ANO4: variants seen among roughly 807,000 people sequenced by gnomAD.
The protein encoded by ANO4 is anoctamin 4, also known as anoctamin-4.
A neutral mutation model predicts 141.9 loss-of-function variants in ANO4; 69 were observed. The ratio of observed to expected loss-of-function variants is 0.49; its 90% CI spans 0.40 to 0.59. ANO4 has a LOEUF of 0.59. Ranked by LOEUF, ANO4 falls within the 20% of genes least tolerant of loss-of-function variation. The pLI is 0.00. For synonymous variants in ANO4, 350 were observed against 394.3 expected (o/e 0.89, Z 1.33); for missense variants, 894 against 1,162.2 (o/e 0.77, Z 3.36).
At chr12:100,817,349 G>A (rs2035794394) in intron 1 of ANO4, among the ~76,000 whole-genome samples, 1 of 151,708 alleles carries the variant, frequency 6.6e-6, no homozygotes, top group East Asian at 1.9e-4. Flanking sequence ...AGTAATCCCT[G>A]CCTAGGCTTA....
chr12:100,745,056 A>G (rs1303855933), intron 3 of ANO4, among the ~76,000 whole-genome samples: 1 of 151,948 alleles, frequency 6.6e-6, no homozygotes, highest in African/African-American at 2.4e-5. Context: ...TTGCTTCTCC[A>G]TAATAGAATA....
intron 1 of ANO4, among the ~76,000 whole-genome samples, chr12:100,886,034 A>C (rs1043602939): frequency 6.6e-6 from 1 of 151,848 alleles, no homozygotes; most frequent in African/African-American, 2.4e-5. Context: ...TTTCCCTCTC[A>C]TTTACCACTA....
At chr12:100,952,416 G>A (rs547369490) in intron 5 of ANO4, among the ~76,000 whole-genome samples, 3 of 152,246 alleles carry the variant, frequency 2.0e-5, no homozygotes, top group South Asian at 4.2e-4. Flanking sequence ...CAGCTTTAAC[G>A]CATGGCTGTT....
At chr12:100,915,981 A>G (rs946239620) in intron 2 of ANO4, among the ~76,000 whole-genome samples, 6 of 152,226 alleles carry the variant, frequency 3.9e-5, no homozygotes, top group Admixed American at 3.3e-4. Context: ...AACTAAGGCA[A>G]TCTAATGAAA....
intron 1 of ANO4, among the ~76,000 whole-genome samples, chr12:100,854,695 T>C (rs2038071910): frequency 1.3e-5 from 2 of 152,222 alleles, no homozygotes; most frequent in East Asian, 3.9e-4. Context: ...TTCTACTCAT[T>C]CACTGTATTT....
intron 11 of ANO4, among the ~76,000 whole-genome samples, chr12:101,040,761 C>G (rs12578210): frequency 3.9e-5 from 6 of 151,980 alleles, no homozygotes; most frequent in African/African-American, 1.5e-4. Context: ...CCTAGCCCCC[C>G]ACCCCCCATA....
chr12:100,861,219 C>G (rs1412064978), intron 1 of ANO4, among the ~76,000 whole-genome samples: 1 of 152,146 alleles, frequency 6.6e-6, no homozygotes, highest in Non-Finnish European at 1.5e-5. Flanking sequence ...TTTTACAAAC[C>G]TCTTGTAAGA....
At chr12:100,907,109 G>C (rs2040881706) in intron 2 of ANO4, among the ~76,000 whole-genome samples, 1 of 152,172 alleles carries the variant, frequency 6.6e-6, no homozygotes, top group Non-Finnish European at 1.5e-5. Flanking sequence ...TCTTAAAATT[G>C]TTATGGCTAT....
At chr12:100,903,550 A>G (rs574725214) in intron 2 of ANO4, among the ~76,000 whole-genome samples, 12 of 152,258 alleles carry the variant, frequency 7.9e-5, no homozygotes, top group African/African-American at 2.4e-4. Flanking sequence ...AAGCTTTATT[A>G]CTATAGTGCA....
intron 9 of ANO4, among the ~76,000 whole-genome samples, chr12:101,024,848 T>C (rs1166039502): frequency 6.6e-6 from 1 of 152,240 alleles, no homozygotes. Context: ...AGTATTAATG[T>C]GAAGCATCTT....
At chr12:101,002,581 T>C (rs1029333224) in intron 8 of ANO4, among the ~76,000 whole-genome samples, 18 of 152,210 alleles carry the variant, frequency 1.2e-4, no homozygotes, top group African/African-American at 4.1e-4. Flanking sequence ...CTTCCCAAGG[T>C]GTGCTCTCTT....
At chr12:100,753,782 G>C (rs373305884) in intron 3 of ANO4, among the ~76,000 whole-genome samples, 1 of 152,148 alleles carries the variant, frequency 6.6e-6, no homozygotes, top group African/African-American at 2.4e-5. Flanking sequence ...GCTATCAATA[G>C]TACAGTACAT....
chr12:100,873,974 C>G (rs768215843), intron 1 of ANO4, among the ~76,000 whole-genome samples: 1 of 152,344 alleles, frequency 6.6e-6, no homozygotes, highest in East Asian at 1.9e-4. Context: ...GCTCCAGCTC[C>G]AGCTGTGGCT....
chr12:100,806,327 C>T (rs1254751103), intron 1 of ANO4, among the ~76,000 whole-genome samples: 2 of 151,998 alleles, frequency 1.3e-5, no homozygotes, highest in African/African-American at 4.8e-5. Context: ...CACACCTATG[C>T]CCACTAGCAA....
At chr12:100,988,523 G>A (rs1228482143) in intron 8 of ANO4, among the ~76,000 whole-genome samples, 3 of 150,542 alleles carry the variant, frequency 2.0e-5, no homozygotes, top group East Asian at 3.9e-4. Flanking sequence ...TTACCTGGAG[G>A]GAAGAAAAGG....
rs1020747194 is a variant in ANO4 at position 101,118,904 on chromosome 12, T to G, written c.2571-1616T>G. On this transcript the variant is annotated intron_variant, in intron 25 of 27. Transcript: ENST00000392977. ...CACGACAGGCCCCGGTGTGTGATGTTCCCCTTCCTGTGTCCAAGTGTTCTC... is the reference window on the plus strand; with the variant it reads ...CACGACAGGCCCCGGTGTGTGATGTGCCCCTTCCTGTGTCCAAGTGTTCTC... Among the ~76,000 whole-genome samples, 14 of 141,654 alleles carry G rather than the reference T, an allele frequency of 9.9e-5. No homozygotes were observed. The East Asian group carries it at 3.1e-3, about 31-fold the overall frequency. 92.9% of individuals were successfully genotyped at this position (141,654 alleles called of 152,430 possible). A position where few individuals can be genotyped will look rare whatever the true frequency, so the allele number is the denominator to read the frequency against.
At chr12:100,939,755 G>A (rs866605671) in intron 4 of ANO4, among the ~76,000 whole-genome samples, 1 of 152,008 alleles carries the variant, frequency 6.6e-6, no homozygotes, top group Non-Finnish European at 1.5e-5. Flanking sequence ...AACTTTACAG[G>A]GATGGGCTTC....
chr12:100,777,475 A>G (rs1267831482), intron 3 of ANO4, among the ~76,000 whole-genome samples: 1 of 151,582 alleles, frequency 6.6e-6, no homozygotes, highest in Non-Finnish European at 1.5e-5. Flanking sequence ...GCTTGGGTAG[A>G]GTAAAAAGCC....
intron 1 of ANO4, among the ~76,000 whole-genome samples, chr12:100,878,695 A>T (rs938341586): frequency 6.6e-6 from 1 of 152,188 alleles, no homozygotes; most frequent in African/African-American, 2.4e-5. Flanking sequence ...AATCTCCCTA[A>T]GGCGTGCTGT....
Sources: allele counts gnomAD v4.1 joint callset (sites outside exome capture counted in the v4.1 genomes callset), GRCh38; gene constraint gnomAD v4.1.1; transcripts MANE v1.5; gene names NCBI Gene and HGNC (gene_info 2026-07-23, HGNC 2026-07-21).